Variants in TSC2 observed in about 807,000 individuals in gnomAD.
The protein encoded by TSC2 is TSC complex subunit 2, also known as tuberin.
Under a neutral mutation model 202.2 loss-of-function variants are expected in TSC2, and 29 were observed. The observed-to-expected ratio is 0.14, with a 90% CI of 0.11 to 0.20. The LOEUF (loss-of-function observed/expected upper bound fraction) is 0.20, where lower values mean the gene tolerates loss of function less well. Among genes scored for constraint, TSC2 ranks in the 10% least tolerant of loss-of-function variants. The probability of loss-of-function intolerance (pLI) is 1.00; values close to 1 mark genes in which losing one functional copy is unlikely to be tolerated. For missense variants in TSC2, 2,429 were observed against 2,420.0 expected, an observed-to-expected ratio of 1.00 and a Z score of -0.08; for synonymous variants, 1,349 against 1,044.0, an observed-to-expected ratio of 1.29 and a Z score of -5.63.
chr16:2,056,619 C>T (rs1197831551), intron 7 of TSC2, 25 bp from the exon 8 acceptor site: 19 of 1,605,866 alleles, frequency 1.2e-5, no homozygotes, highest in Admixed American at 1.7e-5. Context: ...GTAGGACGGG[C>T]GTGAGCCGTC....
intron 35 of TSC2, 97 bp from the exon 36 acceptor site, chr16:2,085,133 C>A: frequency 6.2e-7 from 1 of 1,602,114 alleles, no homozygotes; most frequent in Non-Finnish European, 8.5e-7. Context: ...AGGGCTCTGG[C>A]CTAAGCTCCC....
At chr16:2,075,930 G>T (rs2089284200) in intron 23 of TSC2, 38 bp downstream of exon 23, 2 of 1,612,808 alleles carry the variant, frequency 1.2e-6, no homozygotes, top group Non-Finnish European at 1.7e-6. Flanking sequence ...TCCCAGCCGT[G>T]GCCCCCGCTA....
intron 2 of TSC2, among the ~76,000 whole-genome samples, 170 bp downstream of exon 2, chr16:2,048,923 C>T (rs545783589): frequency 6.6e-6 from 1 of 152,138 alleles, no homozygotes; most frequent in African/African-American, 2.4e-5. Context: ...CTTCGAAAGT[C>T]AGGATCTTGG....
At chr16:2,087,040 CCT>C (rs1476360223) in intron 38 of TSC2, 169 bp downstream of exon 38, 2 of 1,014,350 alleles carry the variant, frequency 2.0e-6, no homozygotes, top group Non-Finnish European at 2.9e-6. Flanking sequence ...TGCGTTGTGT[CCT>C]CTGTGCCCTG....
Position 2,071,914 on chromosome 16 carries a change from C to T in TSC2, c.2077C>T (p.Leu693=), listed in dbSNP as rs1167258871. 1.3e-5 allele frequency: 20 copies of T among 1,591,604 alleles called. No homozygotes were observed. Among genetic ancestry groups the T allele is most frequent in the Non-Finnish European group, 1.6e-5 (19 of 1,169,126 alleles). ...SVPYSLLFRV[L]LQCLKQESDW... ...GCCCTACTCCCTGCTCTTCCGCGTC[C>T]TGCTGCAGTGCTTGAAGCAGGTGAG... Residue 693 remains leucine, a synonymous_variant, in exon 19 of 42, where the codon CTG becomes TTG. Coordinates refer to ENST00000219476, the MANE Select transcript of TSC2 (RefSeq NM_000548.5).
chr16:2,054,231 G>T, intron 4 of TSC2, 65 bp from the exon 5 acceptor site: 1 of 1,612,596 alleles, frequency 6.2e-7, no homozygotes, highest in Non-Finnish European at 8.5e-7. Flanking sequence ...GCACTTCAGG[G>T]ACTTCTTGGC....
At position 2,079,526 on chromosome 16, in the gene TSC2, G is replaced by A. The variant is rs397515248; in HGVS notation, c.3285-31G>A. 1 of 1,605,588 alleles carries A rather than the reference G, an allele frequency of 6.2e-7. No individual in the cohort carries two copies. Among genetic ancestry groups the A allele is most frequent in the Admixed American group, 1.7e-5 (1 of 58,740 alleles). ...ACCCTCGTACCAGCCTGGGGACTAA[G>A]TCCACCCTGTGCGTGGGATTCTCTT... On this transcript the variant is annotated intron_variant, in intron 28 of 41. Coordinates refer to ENST00000219476, the MANE Select transcript of TSC2 (RefSeq NM_000548.5). This position sits in a 1 kb window ranked among gnomAD's most constrained non-coding sequence, Gnocchi z 4.6.
At chr16:2,080,089 G>T (rs1001089676) in intron 29 of TSC2, 76 bp from the exon 30 acceptor site, 3 of 1,589,804 alleles carry the variant, frequency 1.9e-6, no homozygotes, top group African/African-American at 1.3e-5. Context: ...CCAGGCTCGG[G>T]GGGAGCATTC....
At chr16:2,075,315 C>G (rs1567479391) in intron 22 of TSC2, 2 of 175,222 alleles carry the variant, frequency 1.1e-5, no homozygotes, top group African/African-American at 4.9e-5. Flanking sequence ...ATCATGAGGT[C>G]AGGAGATCGA....
Position 2,077,729 on chromosome 16 carries a change from A to G in TSC2, c.2966+3A>G, listed in dbSNP as rs1332708335. 6.2e-7 allele frequency: 1 copy of G among 1,612,362 alleles called. No homozygotes were observed. The highest frequency in any genetic ancestry group is 1.1e-5 in the South Asian group (1 of 91,070). On this transcript the variant is annotated splice_donor_region_variant and intron_variant, in intron 26 of 41. Transcript: ENST00000219476. ...GTGTCTGAACATGTGGTCCGCAGGT[A>G]GCGGGACTGTCGGGTGGGGGGCACG...
chr16:2,048,467 A>G, intron 1 of TSC2, 120 bp from the exon 2 acceptor site: 1 of 1,254,566 alleles, frequency 8.0e-7, no homozygotes, highest in Non-Finnish European at 1.1e-6. Context: ...TCTCCCAGGG[A>G]GTGTGGGAGG....
rs370376158 is a variant in TSC2 at position 2,083,672 on chromosome 16, C to T, written c.3884-23C>T. 2.9e-4 allele frequency: 458 copies of T among 1,566,046 alleles called. 3 individuals are homozygous for T. Among genetic ancestry groups the T allele is most frequent in the Non-Finnish European group, 9.9e-5 (115 of 1,155,936 alleles). On this transcript the variant is annotated intron_variant, in intron 32 of 41. Transcript: ENST00000219476. ...GGGCCTGGCCCAGCCCCACATCCAG[C>T]AGCCCCGTCTGTGTCCTCCCAGACT...
intron 2 of TSC2, 139 bp downstream of exon 2, chr16:2,048,892 G>T: frequency 8.1e-7 from 1 of 1,239,282 alleles, no homozygotes; most frequent in Non-Finnish European, 1.2e-6. Context: ...CTTGGAGGCC[G>T]ACATGTCCTT....
Position 2,083,680 on chromosome 16 carries a change from T to A in TSC2, c.3884-15T>A, listed in dbSNP as rs2090412969. On this transcript the variant is annotated splice_polypyrimidine_tract_variant and intron_variant, in intron 32 of 41. Transcript: ENST00000219476. ...CCCAGCCCCACATCCAGCAGCCCCG[T>A]CTGTGTCCTCCCAGACTCCGCCGTG... 4.5e-6 allele frequency: 7 copies of A among 1,571,514 alleles called. No homozygotes were observed. In the East Asian group the frequency reaches 1.6e-4, roughly 36 times the overall value.
intron 9 of TSC2, among the ~76,000 whole-genome samples, 184 bp downstream of exon 9, chr16:2,057,362 C>T (rs1172489352): frequency 2.6e-5 from 4 of 152,192 alleles, no homozygotes; most frequent in Non-Finnish European, 5.9e-5. Context: ...TCTCCTTCCT[C>T]TGTCAGTTCA....
At chr16:2,074,139 G>T (rs2088899468) in intron 21 of TSC2, 61 bp from the exon 22 acceptor site, 1 of 1,602,910 alleles carries the variant, frequency 6.2e-7, no homozygotes. Flanking sequence ...GGTTGGCGAG[G>T]GGTAGGCGAG....
chr16:2,048,129 C>A lies in TSC2; in HGVS notation c.-30+64C>A, dbSNP rs528591657. 1.6e-4 allele frequency: 244 copies of A among 1,508,584 alleles called. No homozygotes were observed. The African/African-American group carries it at 3.2e-3, about 20-fold the overall frequency. The allele number at this position is 1,508,584 out of a possible 1,614,324, so 93.4% of individuals were successfully genotyped here. A position where few individuals can be genotyped will look rare whatever the true frequency, so the allele number is the denominator to read the frequency against. On this transcript the variant is annotated intron_variant, in intron 1 of 41. Coordinates refer to ENST00000219476, the MANE Select transcript of TSC2 (RefSeq NM_000548.5). ...CGGGGCAGCGGCCTAGAGAGGCGGA[C>A]CCCGCAGTGTCCGGGTCCCGGGCCC...
In TSC2 at chr16:2,070,500, T is replaced by C. The variant is rs753179817; in HGVS notation, c.1761T>C (p.Tyr587=). 6.2e-7 allele frequency: 1 copy of C among 1,613,354 alleles called. No homozygotes were observed. The highest frequency in any genetic ancestry group is 8.5e-7 in the Non-Finnish European group (1 of 1,179,958). Residue 587 remains tyrosine, a synonymous_variant, in exon 17 of 42, where the codon TAT becomes TAC. Transcript: ENST00000219476. ...TLPASHATRV[Y]EMLVSHIQLH... Reference sequence around the variant, plus strand: ...CTGCAAGCCACGCCACGCGTGTGTATGAGATGCTGGTCAGCCACATTCAGC... The same window carrying C: ...CTGCAAGCCACGCCACGCGTGTGTACGAGATGCTGGTCAGCCACATTCAGC...
chr16:2,072,767 T>C, intron 20 of TSC2, 82 bp from the exon 21 acceptor site: 1 of 1,606,300 alleles, frequency 6.2e-7, no homozygotes, highest in Non-Finnish European at 8.5e-7. Flanking sequence ...TGGGCCTGCG[T>C]TCCCAGGGCC....
Sources: allele counts gnomAD v4.1 joint callset (sites outside exome capture counted in the v4.1 genomes callset), GRCh38; gene constraint gnomAD v4.1.1; non-coding constraint Gnocchi (gnomAD v3.1); transcripts MANE v1.5; gene names NCBI Gene and HGNC (gene_info 2026-07-23, HGNC 2026-07-21).